Variants in RANBP9 observed in about 807,000 individuals in gnomAD.
RANBP9 encodes RAN binding protein 9.
Under a neutral mutation model 84.3 loss-of-function variants are expected in RANBP9, and 15 were observed. The ratio of observed to expected loss-of-function variants is 0.18; its 90% CI spans 0.12 to 0.27. RANBP9 has a LOEUF of 0.27. Ranked by LOEUF, RANBP9 falls within the 10% of genes least tolerant of loss-of-function variation. The pLI, the probability that RANBP9 is intolerant of heterozygous loss-of-function variation, is 1.00. For missense variants in RANBP9, 809 were observed against 912.8 expected (o/e 0.89, Z 1.46); for synonymous variants, 392 against 349.6 (o/e 1.12, Z -1.35).
intron 2 of RANBP9, among the ~76,000 whole-genome samples, chr6:13,670,875 G>A (rs1490537754): frequency 6.6e-6 from 1 of 150,630 alleles, no homozygotes; most frequent in Non-Finnish European, 1.5e-5. Flanking sequence ...AAAGGATACT[G>A]TCAAGGAAAC....
intron 12 of RANBP9, among the ~76,000 whole-genome samples, chr6:13,629,138 T>C (rs1764705010): frequency 1.3e-5 from 2 of 152,122 alleles, no homozygotes; most frequent in Non-Finnish European, 2.9e-5. Context: ...TGAGACAGGG[T>C]CTTGCTATGT....
intron 9 of RANBP9, among the ~76,000 whole-genome samples, chr6:13,639,133 C>G (rs1210963920): frequency 6.6e-6 from 1 of 152,104 alleles, no homozygotes; most frequent in African/African-American, 2.4e-5. Context: ...ATTTTTCACC[C>G]AGAAAAATCT....
chr6:13,623,166 A>G (rs2127756969), intron 13 of RANBP9, among the ~76,000 whole-genome samples: 1 of 152,328 alleles, frequency 6.6e-6, no homozygotes, highest in East Asian at 1.9e-4. Context: ...GCAATAATTA[A>G]CAAAATTTGT....
intron 2 of RANBP9, among the ~76,000 whole-genome samples, chr6:13,669,447 G>A (rs2113304478): frequency 6.6e-6 from 1 of 152,272 alleles, no homozygotes; most frequent in East Asian, 1.9e-4. Context: ...AAAAAAGTTG[G>A]AAGACTCACA....
At chr6:13,649,093 T>G (rs1467531475) in intron 5 of RANBP9, among the ~76,000 whole-genome samples, 1 of 152,186 alleles carries the variant, frequency 6.6e-6, no homozygotes, top group African/African-American at 2.4e-5. Context: ...GATTCAATGG[T>G]ATGGGTAGCT....
intron 1 of RANBP9, among the ~76,000 whole-genome samples, chr6:13,701,463 T>C (rs2113364831): frequency 6.6e-6 from 1 of 152,260 alleles, no homozygotes; most frequent in African/African-American, 2.4e-5. Context: ...GCAAAGTACC[T>C]CACCTCTTAT....
intron 3 of RANBP9, 41 bp downstream of exon 3, chr6:13,658,739 T>C (rs762916309): frequency 6.9e-7 from 1 of 1,446,050 alleles, no homozygotes; most frequent in South Asian, 1.2e-5. Context: ...CAGAAAGAGC[T>C]ACTCATAAGA....
intron 1 of RANBP9, among the ~76,000 whole-genome samples, chr6:13,697,876 A>C (rs1306787791): frequency 6.6e-6 from 1 of 152,236 alleles, no homozygotes; most frequent in Non-Finnish European, 1.5e-5. Context: ...TGCTCCACGC[A>C]ATACAAACTT....
At position 13,711,047 on chromosome 6, in the gene RANBP9, A is replaced by G. The variant is rs6905991; in HGVS notation, c.459T>C (p.Arg153=). 0.46 allele frequency: 737,931 copies of G among 1,588,016 alleles called. 172,520 individuals are homozygous for G. Among genetic ancestry groups the G allele is most frequent in the South Asian group, 0.49 (42,787 of 87,978 alleles). The change falls in exon 1 of 14, where the codon CGT becomes CGC. Residue 153 remains arginine, a synonymous_variant. Coordinates refer to ENST00000011619, the MANE Select transcript of RANBP9 (RefSeq NM_005493.3). ...QEKELQRRLK[R]LYPAVDEQET... Reference sequence around the variant, plus strand: ...CTTGTTCGTCCACGGCCGGGTAGAGACGCTTCAGCCGCCGCTGCAACTCCT... The same window carrying G: ...CTTGTTCGTCCACGGCCGGGTAGAGGCGCTTCAGCCGCCGCTGCAACTCCT...
rs1174444542 is a variant in RANBP9 at position 13,711,475 on chromosome 6, G to GCGA, written c.30_31insTCG (p.Pro10_Gln11insSer). 8.3e-7 allele frequency: 1 copy of GCGA among 1,204,554 alleles called. No homozygotes were observed. The highest frequency in any genetic ancestry group is 3.5e-5 in the East Asian group (1 of 28,534). The allele number at this position is 1,204,554 out of a possible 1,614,324, so 74.6% of individuals were successfully genotyped here. A position where few individuals can be genotyped will look rare whatever the true frequency, so the allele number is the denominator to read the frequency against. Reference sequence around the variant, plus strand: ...AGCTGCTGCTGCTGTTGCTGCTGCTGCGGCGGCGGCGGCGGCGGCTGCCCG... The same window carrying GCGA: ...AGCTGCTGCTGCTGTTGCTGCTGCTGCGACGGCGGCGGCGGCGGCGGCTGCCCG... On this transcript the variant is annotated inframe_insertion, in exon 1 of 14. Coordinates refer to ENST00000011619, the MANE Select transcript of RANBP9 (RefSeq NM_005493.3).
chr6:13,705,022 G>C (rs1285250249), intron 1 of RANBP9, among the ~76,000 whole-genome samples: 1 of 152,056 alleles, frequency 6.6e-6, no homozygotes, highest in Admixed American at 6.5e-5. Flanking sequence ...CCAGAACCTA[G>C]CACAAAGTAA....
chr6:13,681,836 T>C (rs547766470), intron 2 of RANBP9, among the ~76,000 whole-genome samples: 1 of 152,102 alleles, frequency 6.6e-6, no homozygotes, highest in East Asian at 1.9e-4. Flanking sequence ...AAAAAAAGGA[T>C]GACGTGAACC....
chr6:13,672,432 TAA>T (rs1326207814), intron 2 of RANBP9, among the ~76,000 whole-genome samples: 1 of 152,046 alleles, frequency 6.6e-6, no homozygotes, highest in East Asian at 1.9e-4. Flanking sequence ...TTTTAATTAA[TAA>T]AAGTTTCTAA....
intron 2 of RANBP9, among the ~76,000 whole-genome samples, chr6:13,662,738 T>C (rs1160605148): frequency 1.3e-5 from 2 of 152,206 alleles, no homozygotes; most frequent in Non-Finnish European, 2.9e-5. Flanking sequence ...GTATGCTGTT[T>C]ATACAATAAA....
At chr6:13,653,556 G>A (rs1350376168) in intron 4 of RANBP9, among the ~76,000 whole-genome samples, 4 of 152,080 alleles carry the variant, frequency 2.6e-5, no homozygotes, top group African/African-American at 9.7e-5. Context: ...CAGCACCACT[G>A]CTTCTACAGT....
chr6:13,678,532 G>A (rs1008375675), intron 2 of RANBP9, among the ~76,000 whole-genome samples: 2 of 152,208 alleles, frequency 1.3e-5, no homozygotes, highest in Middle Eastern at 3.4e-3. Context: ...GCTCACATAC[G>A]AAGCCAGTAT....
chr6:13,652,831 A>AGGAAGT, intron 4 of RANBP9, 150 bp from the exon 5 acceptor site: 1 of 645,882 alleles, frequency 1.5e-6, no homozygotes, highest in Non-Finnish European at 2.6e-6. Flanking sequence ...ATTTTTAATC[A>AGGAAGT]ATAATACTAA....
chr6:13,680,520 C>G (rs1766009918), intron 2 of RANBP9, among the ~76,000 whole-genome samples: 1 of 152,086 alleles, frequency 6.6e-6, no homozygotes, highest in African/African-American at 2.4e-5. Flanking sequence ...GGAAGATCAT[C>G]ACTTGAGCCC....
At chr6:13,635,055 C>T (rs914171019) in intron 10 of RANBP9, among the ~76,000 whole-genome samples, 2 of 152,296 alleles carry the variant, frequency 1.3e-5, no homozygotes, top group Middle Eastern at 3.4e-3. Context: ...TTTTAAATAG[C>T]ATTCTGGCAT....
Sources: allele counts gnomAD v4.1 joint callset (sites outside exome capture counted in the v4.1 genomes callset), GRCh38; gene constraint gnomAD v4.1.1; transcripts MANE v1.5; gene names NCBI Gene and HGNC (gene_info 2026-07-23, HGNC 2026-07-21).